ACYP2: variants seen among roughly 807,000 people sequenced by gnomAD.
The protein encoded by ACYP2 is acylphosphatase 2.
Under a neutral mutation model 11.2 loss-of-function variants are expected in ACYP2, and 12 were observed. The observed-to-expected ratio is 1.08, with a 90% CI of 0.69 to 1.74. The LOEUF is 1.74. ACYP2 is among the 40% of genes most tolerant of loss of function. The pLI is 0.00. For missense variants in ACYP2, 134 were observed against 101.9 expected, an observed-to-expected ratio of 1.31 and a Z score of -1.35; for synonymous variants, 43 against 32.2, an observed-to-expected ratio of 1.33 and a Z score of -1.13.
intron 6 of ACYP2, among the ~76,000 whole-genome samples, chr2:54,202,253 T>C (rs1682113): frequency 0.29 from 43,372 of 151,560 alleles, 6,390 homozygotes; most frequent in South Asian, 0.44. Flanking sequence ...GGACTACAGG[T>C]GCGTGTCACC....
intron 3 of ACYP2, among the ~76,000 whole-genome samples, chr2:54,056,388 C>G (rs1004959966): frequency 5.3e-5 from 8 of 152,228 alleles, no homozygotes; most frequent in African/African-American, 1.9e-4. Context: ...CATCCCTTGA[C>G]TGATTTAGGT....
intron 2 of ACYP2, among the ~76,000 whole-genome samples, chr2:54,027,837 C>CTTTTTTTTTTT (rs34122179): frequency 1.0e-4 from 10 of 97,868 alleles, no homozygotes; most frequent in Non-Finnish European, 1.6e-4. Context: ...TTCTTTCTTT[C>CTTTTTTTTTTT]TTTTTTTTTT....
At chr2:54,304,422 C>T (rs953318064) in intron 6 of ACYP2, among the ~76,000 whole-genome samples, 6 of 151,920 alleles carry the variant, frequency 3.9e-5, no homozygotes, top group African/African-American at 7.2e-5. Flanking sequence ...TTTAAGTTGG[C>T]GGGTGGGGGA....
At chr2:54,138,867 A>G (rs1681429783) in intron 6 of ACYP2, 119 bp downstream of exon 3, 1 of 751,932 alleles carries the variant, frequency 1.3e-6, no homozygotes, top group Non-Finnish European at 2.2e-6. Context: ...ATCTCGGCTC[A>G]CTACAACCTC....
At chr2:54,235,306 G>C (rs1686425315) in intron 6 of ACYP2, among the ~76,000 whole-genome samples, 2 of 151,446 alleles carry the variant, frequency 1.3e-5, no homozygotes, top group African/African-American at 4.9e-5. Flanking sequence ...GTTTTGGTTT[G>C]AATCAACCAG....
At chr2:54,296,045 C>T (rs1035055174) in intron 6 of ACYP2, among the ~76,000 whole-genome samples, 1 of 151,702 alleles carries the variant, frequency 6.6e-6, no homozygotes, top group Non-Finnish European at 1.5e-5. Context: ...CAGCATGAGC[C>T]ACAGCACCCA....
chr2:54,132,969 C>G lies in ACYP2; in HGVS notation c.278-2484C>G, dbSNP rs1681001433. Among the ~76,000 whole-genome samples, 4 of 152,104 alleles carry G rather than the reference C, an allele frequency of 2.6e-5. No individual in the cohort carries two copies. In the South Asian group the frequency reaches 8.3e-4, roughly 31 times the overall value. ...ATATTGGTCAGGCTGGTCTTGAACT[C>G]CTGACCTCAGGTGATCCACCCGCCT... On this transcript the variant is annotated intron_variant, in intron 4 of 6. Transcript: ENST00000607452.
intron 4 of ACYP2, among the ~76,000 whole-genome samples, chr2:54,093,723 G>A (rs1190645580): frequency 6.6e-6 from 1 of 152,092 alleles, no homozygotes; most frequent in Non-Finnish European, 1.5e-5. Flanking sequence ...GGTGGATCAC[G>A]AGGTCAGGAG....
chr2:54,165,403 G>A (rs1682906576), intron 6 of ACYP2, among the ~76,000 whole-genome samples: 1 of 152,044 alleles, frequency 6.6e-6, no homozygotes, highest in Non-Finnish European at 1.5e-5. Flanking sequence ...CAGAACAATT[G>A]TCTTAAAATT....
chr2:54,009,294 C>G (rs913757661), intron 2 of ACYP2, among the ~76,000 whole-genome samples: 9 of 151,976 alleles, frequency 5.9e-5, no homozygotes, highest in African/African-American at 2.2e-4. Context: ...TGCAGTGGCT[C>G]ACACCTGTAA....
At chr2:54,034,715 A>G (rs984828434) in intron 2 of ACYP2, among the ~76,000 whole-genome samples, 16 of 152,196 alleles carry the variant, frequency 1.1e-4, no homozygotes, top group African/African-American at 3.4e-4. Context: ...TGTAATGGTT[A>G]AAAGATTAGA....
At chr2:54,250,796 A>C (rs1454293699) in intron 6 of ACYP2, among the ~76,000 whole-genome samples, 1 of 152,260 alleles carries the variant, frequency 6.6e-6, no homozygotes. Context: ...AGCCAAAGCT[A>C]ATGATTTCAT....
rs946829664 is a variant in ACYP2 at position 54,280,625 on chromosome 2, G to A, written c.405-24063G>A. Among the ~76,000 whole-genome samples, 6 of 152,296 alleles carry A rather than the reference G, an allele frequency of 3.9e-5. No individual in the cohort carries two copies. The East Asian group carries it at 9.6e-4, about 24-fold the overall frequency. Reference sequence around the variant, plus strand: ...GCAAAAGGGTAGTGTCCCAAAAGCCGTGGGCAGAGAAAAGGAAAAATGTCA... The same window carrying A: ...GCAAAAGGGTAGTGTCCCAAAAGCCATGGGCAGAGAAAAGGAAAAATGTCA... On this transcript the variant is annotated intron_variant, in intron 6 of 6. Transcript: ENST00000607452.
chr2:54,038,028 T>G (rs367769320), intron 2 of ACYP2, among the ~76,000 whole-genome samples: 2 of 152,180 alleles, frequency 1.3e-5, no homozygotes, highest in African/African-American at 4.8e-5. Context: ...TTACTACAAT[T>G]TAATATTCAG....
intron 6 of ACYP2, among the ~76,000 whole-genome samples, chr2:54,201,250 C>T (rs1284468627): frequency 6.6e-6 from 1 of 151,996 alleles, no homozygotes; most frequent in Non-Finnish European, 1.5e-5. Context: ...GGACCATAGG[C>T]GCCCGCCACC....
rs1423240862 is a variant in ACYP2, at chr2:54,051,415, GAA to G, written c.155+367_155+368del. 3 of 720,882 alleles carry G rather than the reference GAA, an allele frequency of 4.2e-6. No homozygotes were observed. In the East Asian group the frequency reaches 7.4e-5, roughly 18 times the overall value. 44.7% of individuals were successfully genotyped at this position (720,882 alleles called of 1,614,324 possible). A position where few individuals can be genotyped will look rare whatever the true frequency, so the allele number is the denominator to read the frequency against. On this transcript the variant is annotated intron_variant, in intron 3 of 6. Coordinates refer to ENST00000607452, the MANE Select transcript of ACYP2 (RefSeq NM_001320586.2). Reference sequence around the variant, plus strand: ...GGCAAAGGTAGAGAAGGCCCATTATGAAAGAGAAATGAAAATCTATATCCCTC... The same window carrying G: ...GGCAAAGGTAGAGAAGGCCCATTATGAGAGAAATGAAAATCTATATCCCTC...
intron 6 of ACYP2, among the ~76,000 whole-genome samples, chr2:54,213,208 G>T (rs1488524898): frequency 6.6e-6 from 1 of 152,054 alleles, no homozygotes; most frequent in African/African-American, 2.4e-5. Context: ...TTCTGTTTCT[G>T]CATTAATTCG....
intron 4 of ACYP2, among the ~76,000 whole-genome samples, chr2:54,087,715 G>C (rs1371333484): frequency 6.6e-6 from 1 of 152,146 alleles, no homozygotes; most frequent in Non-Finnish European, 1.5e-5. Context: ...TTCCTTAAAA[G>C]TATTGCTCAA....
intron 6 of ACYP2, among the ~76,000 whole-genome samples, chr2:54,167,515 C>G (rs902006867): frequency 6.6e-6 from 1 of 152,076 alleles, no homozygotes; most frequent in African/African-American, 2.4e-5. Flanking sequence ...ATATTTGTAT[C>G]ACAAATGTTA....
Sources: gnomAD v4.1 joint callset for allele counts (sites outside exome capture counted in the v4.1 genomes callset) on GRCh38, gnomAD v4.1.1 for gene constraint, MANE v1.5 for transcripts, NCBI Gene and HGNC (gene_info 2026-07-23, HGNC 2026-07-21) for gene names.